Variants in PTGR1 observed in about 807,000 individuals in gnomAD.
PTGR1 encodes prostaglandin reductase 1, also known as 15-oxoprostaglandin 13-reductase.
A neutral mutation model predicts 37.7 loss-of-function variants in PTGR1; 23 were observed. The observed-to-expected ratio is 0.61, with a 90% CI of 0.44 to 0.86. The LOEUF is 0.86. Among genes scored for constraint, PTGR1 ranks in the 40% least tolerant of loss-of-function variants. The probability of loss-of-function intolerance (pLI) is 0.00; values close to 1 mark genes in which losing one functional copy is unlikely to be tolerated. For missense variants in PTGR1, 351 were observed against 394.3 expected, an observed-to-expected ratio of 0.89 and a Z score of 0.93; for synonymous variants, 134 against 140.0, an observed-to-expected ratio of 0.96 and a Z score of 0.30.
chr9:111,586,249 T>C, intron 4 of PTGR1, 84 bp from the exon 5 acceptor site: 1 of 1,342,586 alleles, frequency 7.4e-7, no homozygotes, highest in Admixed American at 1.8e-5. Context: ...TGGTTAGTGT[T>C]GACAAAAGTG....
intron 9 of PTGR1, among the ~76,000 whole-genome samples, chr9:111,553,505 A>G (rs888754292): frequency 6.6e-6 from 1 of 152,210 alleles, no homozygotes; most frequent in Non-Finnish European, 1.5e-5. Context: ...ATCTGCATAA[A>G]ATATCCAAGT....
At chr9:111,571,072 A>T (rs1303925519) in intron 8 of PTGR1, among the ~76,000 whole-genome samples, 1 of 132,780 alleles carries the variant, frequency 7.5e-6, no homozygotes, top group African/African-American at 2.5e-5. Context: ...TTCAGAAGGA[A>T]TGCAGCCCTG....
At chr9:111,598,251 G>A (rs1261704783) in intron 1 of PTGR1, among the ~76,000 whole-genome samples, 1 of 152,186 alleles carries the variant, frequency 6.6e-6, no homozygotes, top group African/African-American at 2.4e-5. Context: ...CGAGCTGGGG[G>A]TTCAGGATGT....
intron 9 of PTGR1, among the ~76,000 whole-genome samples, chr9:111,553,601 C>T (rs969758859): frequency 6.6e-6 from 1 of 152,114 alleles, no homozygotes; most frequent in Non-Finnish European, 1.5e-5. Flanking sequence ...AGATTGGTGA[C>T]GTGTTTATGT....
rs373237547 is a variant in PTGR1, at chr9:111,570,085, C to T, written c.879+6G>A. On this transcript the variant is annotated splice_donor_region_variant and intron_variant, in intron 9 of 9. Transcript: ENST00000407693. ...AATTGGAAGGGGTGGCTCCGGAGCT[C>T]CTTACCTCTAAGACCCATTTCAGCA... 22 of 1,613,944 alleles carry T rather than the reference C, an allele frequency of 1.4e-5. No homozygotes were observed. Among genetic ancestry groups the T allele is most frequent in the Non-Finnish European group, 1.8e-5 (21 of 1,180,018 alleles).
chr9:111,561,144 A>AG (rs1564608073), downstream of PTGR1, among the ~76,000 whole-genome samples: 1 of 51,446 alleles, frequency 1.9e-5, no homozygotes. Flanking sequence ...GAGAGGAGAG[A>AG]GAGGGAGAGA....
intron 8 of PTGR1, chr9:111,574,368 G>A (rs1034296075): frequency 6.5e-6 from 1 of 154,238 alleles, no homozygotes; most frequent in Non-Finnish European, 1.4e-5. Context: ...TTATTATTTT[G>A]AGACAGGCTG....
intron 5 of PTGR1, among the ~76,000 whole-genome samples, 170 bp downstream of exon 5, chr9:111,585,828 T>C (rs550471219): frequency 3.6e-4 from 55 of 152,362 alleles, no homozygotes; most frequent in South Asian, 2.3e-3. Flanking sequence ...CATTCACCCA[T>C]TGATGGACAC....
chr9:111,581,423 G>A (rs1170905511), intron 6 of PTGR1, among the ~76,000 whole-genome samples: 1 of 152,138 alleles, frequency 6.6e-6, no homozygotes, highest in Non-Finnish European at 1.5e-5. Flanking sequence ...TTGCAGGCAG[G>A]ATTAAACAAA....
At chr9:111,561,780 T>C (rs1828330113), downstream of PTGR1, among the ~76,000 whole-genome samples, 1 of 151,264 alleles carries the variant, frequency 6.6e-6, no homozygotes, top group Admixed American at 6.6e-5. Context: ...TCACAAGCAA[T>C]AGGGGTGGTA....
chr9:111,566,600 C>T (rs1477932182), intron 9 of PTGR1, among the ~76,000 whole-genome samples: 3 of 152,194 alleles, frequency 2.0e-5, no homozygotes, highest in Non-Finnish European at 4.4e-5. Context: ...TATCACAGCA[C>T]AGGACTAAGG....
At chr9:111,549,920 C>A in intron 9 of PTGR1, 1 of 646,018 alleles carries the variant, frequency 1.5e-6, no homozygotes, top group Non-Finnish European at 2.7e-6. Flanking sequence ...TTATTTTGTG[C>A]CTTTGAATGG....
At chr9:111,567,774 A>G (rs1341329842) in intron 9 of PTGR1, among the ~76,000 whole-genome samples, 6 of 152,174 alleles carry the variant, frequency 3.9e-5, no homozygotes, top group Non-Finnish European at 8.8e-5. Context: ...TAGGGATGCA[A>G]AGATGGGAGG....
intron 4 of PTGR1, among the ~76,000 whole-genome samples, chr9:111,591,956 T>C (rs1455544988): frequency 6.6e-6 from 1 of 152,162 alleles, no homozygotes; most frequent in East Asian, 1.9e-4. Context: ...TGACCAGACA[T>C]GCAGTCAGGG....
intron 5 of PTGR1, among the ~76,000 whole-genome samples, chr9:111,583,925 T>A (rs1045524350): frequency 2.0e-5 from 3 of 152,190 alleles, no homozygotes; most frequent in Non-Finnish European, 4.4e-5. Context: ...CTCATTCCCA[T>A]ATAAGTTCTA....
downstream of PTGR1, among the ~76,000 whole-genome samples, chr9:111,561,852 G>A (rs190235449): frequency 2.1e-3 from 324 of 152,150 alleles, 1 homozygote; most frequent in Admixed American, 8.1e-3. Context: ...CCTAATATAT[G>A]CCAGGCATTA....
chr9:111,581,906 T>C (rs1829292210), intron 6 of PTGR1, among the ~76,000 whole-genome samples: 5 of 152,116 alleles, frequency 3.3e-5, no homozygotes, highest in Admixed American at 2.6e-4. Flanking sequence ...TAGGGTAGAA[T>C]ATGGGGAAAA....
chr9:111,571,915 A>G (rs1007398412), intron 8 of PTGR1, among the ~76,000 whole-genome samples: 1 of 152,192 alleles, frequency 6.6e-6, no homozygotes, highest in Non-Finnish European at 1.5e-5. Flanking sequence ...TGCAGCCTGT[A>G]AAGAAGATAC....
At chr9:111,596,825 G>A (rs1385070939) in intron 2 of PTGR1, among the ~76,000 whole-genome samples, 1 of 150,282 alleles carries the variant, frequency 6.7e-6, no homozygotes, top group Non-Finnish European at 1.5e-5. Context: ...TACTCAGGAG[G>A]CTGAGGCAAG....
Sources: gnomAD v4.1 joint callset for allele counts (sites outside exome capture counted in the v4.1 genomes callset) on GRCh38, gnomAD v4.1.1 for gene constraint, MANE v1.5 for transcripts, NCBI Gene and HGNC (gene_info 2026-07-23, HGNC 2026-07-21) for gene names.